The following WNT11 variants were observed in gnomAD, a reference collection of about 807,000 sequenced individuals.
WNT11 encodes Wnt family member 11, also known as protein Wnt-11.
A neutral mutation model predicts 35.6 loss-of-function variants in WNT11; 20 were observed. The ratio of observed to expected loss-of-function variants is 0.56; its 90% CI spans 0.40 to 0.82. The LOEUF is 0.82. Ranked by LOEUF, WNT11 falls within the 40% of genes least tolerant of loss-of-function variation. The pLI is 0.00. For synonymous variants in WNT11, 200 were observed against 211.9 expected (o/e 0.94, Z 0.49); for missense variants, 459 against 504.4 (o/e 0.91, Z 0.86).
At chr11:76,189,454 T>C (rs1185289909) in intron 4 of WNT11, among the ~76,000 whole-genome samples, 3 of 152,146 alleles carry the variant, frequency 2.0e-5, no homozygotes, top group African/African-American at 4.8e-5. Flanking sequence ...GGAAGAAATA[T>C]GACAAGAGGG....
chr11:76,203,673 C>T (rs1227961483), intron 1 of WNT11, among the ~76,000 whole-genome samples: 1 of 152,208 alleles, frequency 6.6e-6, no homozygotes, highest in Non-Finnish European at 1.5e-5. Flanking sequence ...TCTCCCCAGC[C>T]CCCATCCCAC....
intron 1 of WNT11, among the ~76,000 whole-genome samples, chr11:76,202,743 C>T (rs1953401834): frequency 6.6e-6 from 1 of 152,220 alleles, no homozygotes; most frequent in Non-Finnish European, 1.5e-5. Flanking sequence ...GCCCCTGGGG[C>T]CCCACAGCCT....
chr11:76,192,689 G>A (rs1022125620), intron 3 of WNT11, among the ~76,000 whole-genome samples: 3 of 152,268 alleles, frequency 2.0e-5, no homozygotes, highest in Admixed American at 6.5e-5. Context: ...GGCTTGGGGA[G>A]ACTCTTGCCC....
At chr11:76,207,512 G>A (rs1953492557), upstream of WNT11, among the ~76,000 whole-genome samples, 1 of 152,102 alleles carries the variant, frequency 6.6e-6, no homozygotes, top group South Asian at 2.1e-4. Flanking sequence ...GGCAAGCCGG[G>A]TGTCCGGCGA....
At position 76,196,542 on chromosome 11, in the gene WNT11, A is replaced by C; in HGVS notation, c.260T>G (p.Met87Arg). 6.2e-7 allele frequency: 1 copy of C among 1,613,632 alleles called. No homozygotes were observed. The change falls in exon 2 of 5, where the codon ATG (methionine) becomes AGG (arginine). Residue 87 changes from methionine to arginine, a missense_variant. By Grantham distance (91) the Met-to-Arg change is moderately conservative. Transcript: ENST00000322563. ...MKACRRAFAD[M>R]RWNCSSIELA... is the part of the protein sequence containing the mutation. ...CTCAATGGAGGAGCAGTTCCAGCGC[A>C]TGTCGGCAAAGGCCCGGCGACAGGC...
At chr11:76,197,700 G>A (rs1953311030) in intron 1 of WNT11, among the ~76,000 whole-genome samples, 1 of 152,046 alleles carries the variant, frequency 6.6e-6, no homozygotes, top group Non-Finnish European at 1.5e-5. Flanking sequence ...AGCCTGGTGG[G>A]TCCCTATGAA....
intron 3 of WNT11, among the ~76,000 whole-genome samples, chr11:76,192,528 C>T (rs376596230): frequency 3.3e-5 from 5 of 152,328 alleles, no homozygotes; most frequent in Middle Eastern, 3.4e-3. Flanking sequence ...TCGTGCAAGG[C>T]GAGCACATAA....
intron 1 of WNT11, among the ~76,000 whole-genome samples, chr11:76,197,527 C>G (rs567657193): frequency 5.5e-4 from 83 of 152,290 alleles, no homozygotes; most frequent in African/African-American, 2.0e-3. Context: ...CTTGGAGAGT[C>G]AGGATGCACA....
chr11:76,189,971 G>C (rs1290587764), intron 4 of WNT11, among the ~76,000 whole-genome samples: 1 of 152,188 alleles, frequency 6.6e-6, no homozygotes, highest in Non-Finnish European at 1.5e-5. Context: ...AAGCCAGGAG[G>C]GTAAGTGGTG....
intron 1 of WNT11, among the ~76,000 whole-genome samples, chr11:76,199,514 C>T (rs956064865): frequency 1.3e-5 from 2 of 151,164 alleles, no homozygotes; most frequent in African/African-American, 4.9e-5. Flanking sequence ...AATAACAGAA[C>T]GTAGGCAAAG....
At position 76,194,778 on chromosome 11, in the gene WNT11, G is replaced by T; in HGVS notation, c.386C>A (p.Ala129Asp). ...AAAISHAIAR[A>D]CTSGDLPGCS... ...GCCGGGCAGGTCGCCGGAGGTGCAG[G>T]CCCGGGCGATGGCGTGGCTGATGGC... Residue 129 changes from alanine (A) to aspartate (D), a missense_variant, in exon 3 of 5, where the codon GCC (alanine) becomes GAC (aspartate). By Grantham distance (126) the Ala-to-Asp change is moderately radical. Coordinates refer to ENST00000322563, the MANE Select transcript of WNT11 (RefSeq NM_004626.3). This position sits in a 1 kb window ranked among gnomAD's most constrained non-coding sequence, Gnocchi z 5.4. The T allele has an allele frequency of 6.4e-7, 1 of 1,556,366 alleles. No homozygotes were observed. The highest frequency in any genetic ancestry group is 8.7e-7 in the Non-Finnish European group (1 of 1,153,230).
upstream of WNT11, among the ~76,000 whole-genome samples, chr11:76,209,583 C>A (rs972542247): frequency 6.6e-6 from 1 of 151,994 alleles, no homozygotes; most frequent in South Asian, 2.1e-4. Context: ...ACCTGCGGGG[C>A]GGGGCGAGGC....
At chr11:76,209,199 T>C (rs1953520609), upstream of WNT11, among the ~76,000 whole-genome samples, 1 of 152,122 alleles carries the variant, frequency 6.6e-6, no homozygotes, top group Non-Finnish European at 1.5e-5. Context: ...CGTAGCACCT[T>C]TGGAGAGCGA....
intron 4 of WNT11, 87 bp downstream of exon 4, chr11:76,191,477 G>A: frequency 6.9e-7 from 1 of 1,447,380 alleles, no homozygotes; most frequent in South Asian, 1.3e-5. Context: ...TGCCACCTGA[G>A]TCCCTGCTGT....
chr11:76,206,506 C>T (rs1001229491), upstream of WNT11: 1 of 1,244,198 alleles, frequency 8.0e-7, no homozygotes, highest in Non-Finnish European at 1.0e-6. Flanking sequence ...CGCCTGCAGC[C>T]GGGGAGAGCG....
At chr11:76,197,104 C>T (rs1385176388) in intron 1 of WNT11, among the ~76,000 whole-genome samples, 3 of 152,246 alleles carry the variant, frequency 2.0e-5, no homozygotes, top group Admixed American at 6.5e-5. Context: ...ATTCATTCAA[C>T]ACTGAGCAGC....
intron 1 of WNT11, among the ~76,000 whole-genome samples, chr11:76,203,669 C>T (rs1056204984): frequency 6.6e-6 from 1 of 152,218 alleles, no homozygotes; most frequent in African/African-American, 2.4e-5. Context: ...CCCCTCTCCC[C>T]AGCCCCCATC....
In WNT11 at chr11:76,191,720, G is replaced by T. The variant is rs944385314; in HGVS notation, c.734C>A (p.Thr245Asn). The T allele has an allele frequency of 1.1e-5, 18 of 1,613,736 alleles. No homozygotes were observed. The highest frequency in any genetic ancestry group is 1.5e-5 in the Non-Finnish European group (18 of 1,180,050). The change falls in exon 4 of 5, where the codon ACC (threonine) becomes AAC (asparagine). Residue 245 changes from threonine (T) to asparagine (N), a missense_variant. Thr to Asn is a moderately conservative substitution (Grantham distance 65). Transcript: ENST00000322563. ...ADLKTRYLSA[T>N]KVVHRPMGTR... Reference sequence around the variant, plus strand: ...GCCCATGGGTCGGTGCACTACCTTGGTGGCCGACAGGTATCGGGTCTTGAG... The same window carrying T: ...GCCCATGGGTCGGTGCACTACCTTGTTGGCCGACAGGTATCGGGTCTTGAG...
At chr11:76,187,461 C>A (rs1228841663) in intron 4 of WNT11, among the ~76,000 whole-genome samples, 1 of 152,048 alleles carries the variant, frequency 6.6e-6, no homozygotes. Context: ...AATGATGGGG[C>A]TGTTTTCTTT....
Sources: allele counts gnomAD v4.1 joint callset (sites outside exome capture counted in the v4.1 genomes callset), GRCh38; gene constraint gnomAD v4.1.1; non-coding constraint Gnocchi (gnomAD v3.1); transcripts MANE v1.5; gene names NCBI Gene and HGNC (gene_info 2026-07-23, HGNC 2026-07-21).